Variants in PRKAG2 observed in about 807,000 individuals in gnomAD.
PRKAG2 encodes 5'-AMP-activated protein kinase subunit gamma-2.
Under a neutral mutation model 69.6 loss-of-function variants are expected in PRKAG2, and 26 were observed. The ratio of observed to expected loss-of-function variants is 0.37; its 90% CI spans 0.27 to 0.52. The LOEUF (loss-of-function observed/expected upper bound fraction) is 0.52, where lower values mean the gene tolerates loss of function less well. Ranked by LOEUF, PRKAG2 falls within the 20% of genes least tolerant of loss-of-function variation. The pLI is 0.90. For synonymous variants in PRKAG2, 293 were observed against 285.0 expected, an observed-to-expected ratio of 1.03 and a Z score of -0.28; for missense variants, 557 against 740.0, an observed-to-expected ratio of 0.75 and a Z score of 2.87.
chr7:151,872,907 T>C (rs1293301101), intron 1 of PRKAG2, among the ~76,000 whole-genome samples: 5 of 152,226 alleles, frequency 3.3e-5, no homozygotes, highest in Admixed American at 3.3e-4. Context: ...CCTCACGCCT[T>C]AGGCCTGGTC....
At chr7:151,687,366 T>C (rs367661548) in intron 3 of PRKAG2, among the ~76,000 whole-genome samples, 1 of 152,218 alleles carries the variant, frequency 6.6e-6, no homozygotes, top group East Asian at 1.9e-4. Context: ...TCTGCTGCTT[T>C]GTGAGAGAGA....
intron 3 of PRKAG2, among the ~76,000 whole-genome samples, chr7:151,733,721 G>C (rs551209497): frequency 6.7e-6 from 1 of 149,656 alleles, no homozygotes; most frequent in African/African-American, 2.5e-5. Flanking sequence ...TTTTTTTTGA[G>C]GGTCTTGCGC....
At chr7:151,739,389 C>T (rs1274865514) in intron 3 of PRKAG2, among the ~76,000 whole-genome samples, 1 of 152,208 alleles carries the variant, frequency 6.6e-6, no homozygotes, top group African/African-American at 2.4e-5. Flanking sequence ...CTACTTGGTG[C>T]TGTGCTGAAT....
chr7:151,582,130 G>A (rs1396295912), intron 6 of PRKAG2, among the ~76,000 whole-genome samples: 1 of 152,072 alleles, frequency 6.6e-6, no homozygotes, highest in African/African-American at 2.4e-5. Context: ...AGACAGTATC[G>A]GTCCAACAGA....
At chr7:151,857,783 T>C (rs1027651346) in intron 1 of PRKAG2, among the ~76,000 whole-genome samples, 1 of 152,186 alleles carries the variant, frequency 6.6e-6, no homozygotes, top group African/African-American at 2.4e-5. Flanking sequence ...AGGTCTGAAC[T>C]GAAAAGTCAT....
chr7:151,560,203 T>C (rs1804601091), intron 15 of PRKAG2: 3 of 1,215,358 alleles, frequency 2.5e-6, no homozygotes, highest in South Asian at 3.5e-5. Flanking sequence ...GGTCACTAGT[T>C]CTCTCACAAA....
At position 151,705,512 on chromosome 7, in the gene PRKAG2, C is replaced by G. The variant is rs954078201; in HGVS notation, c.467-29875G>C. 5.3e-5 allele frequency among the ~76,000 whole-genome samples: 8 copies of G among 152,072 alleles called. 1 individual carries two copies. The East Asian group carries it at 1.5e-3, about 29-fold the overall frequency. ...TATCACACACAGCTGGGCGAGGGGA[C>G]AGCCGACTGTCTGTGACAGACACTC... On this transcript the variant is annotated intron_variant, in intron 3 of 15. Coordinates refer to ENST00000287878, the MANE Select transcript of PRKAG2 (RefSeq NM_016203.4).
chr7:151,694,112 G>A (rs901981244), intron 3 of PRKAG2, among the ~76,000 whole-genome samples: 33 of 152,180 alleles, frequency 2.2e-4, no homozygotes, highest in Admixed American at 1.1e-3. Flanking sequence ...GACCTCGAGT[G>A]ATCTGCCCGC....
intron 4 of PRKAG2, among the ~76,000 whole-genome samples, chr7:151,646,857 T>C (rs1188803366): frequency 1.3e-5 from 2 of 152,230 alleles, no homozygotes; most frequent in African/African-American, 4.8e-5. Context: ...ACCTCAGTAG[T>C]GGTATCCACC....
intron 5 of PRKAG2, among the ~76,000 whole-genome samples, chr7:151,601,164 C>CA (rs1228579162): frequency 1.3e-5 from 2 of 152,150 alleles, no homozygotes; most frequent in African/African-American, 4.8e-5. Flanking sequence ...TATCCACCCT[C>CA]AAAGCTTATG....
intron 5 of PRKAG2, among the ~76,000 whole-genome samples, chr7:151,606,708 T>C (rs897310824): frequency 3.3e-5 from 5 of 151,962 alleles, no homozygotes; most frequent in African/African-American, 1.2e-4. Flanking sequence ...TAATCCCAGC[T>C]ACCTGGGAGG....
chr7:151,631,701 G>C, intron 5 of PRKAG2: 1 of 460,026 alleles, frequency 2.2e-6, no homozygotes, highest in Non-Finnish European at 4.4e-6. Context: ...TGGACTGTGG[G>C]TATGATTCGG....
intron 4 of PRKAG2, among the ~76,000 whole-genome samples, chr7:151,646,229 C>A (rs538590484): frequency 9.9e-5 from 15 of 152,260 alleles, no homozygotes; most frequent in African/African-American, 3.1e-4. Flanking sequence ...ATAAAACCTA[C>A]TGGAATCTTG....
Position 151,864,240 on chromosome 7 carries a change from G to A in PRKAG2, c.114+12267C>T, listed in dbSNP as rs115589094. ...GGCTCCCAGAAGCCCTTCCCTGACC[G>A]TAGCCACAGCAGCTGACCAGCCAGG... On this transcript the variant is annotated intron_variant, in intron 1 of 15. Coordinates refer to ENST00000287878, the MANE Select transcript of PRKAG2 (RefSeq NM_016203.4). 5.9e-3 allele frequency among the ~76,000 whole-genome samples: 893 copies of A among 152,294 alleles called. 2 individuals are homozygous for A. Among genetic ancestry groups the A allele is most frequent in the Non-Finnish European group, 9.6e-3 (653 of 68,022 alleles).
At chr7:151,656,638 C>G (rs981779943) in intron 4 of PRKAG2, among the ~76,000 whole-genome samples, 3 of 152,116 alleles carry the variant, frequency 2.0e-5, no homozygotes, top group Admixed American at 2.0e-4. Flanking sequence ...AAACATAAAC[C>G]TTTGAAGGAT....
intron 5 of PRKAG2, among the ~76,000 whole-genome samples, chr7:151,610,966 G>A (rs1818689146): frequency 6.6e-6 from 1 of 151,922 alleles, no homozygotes; most frequent in African/African-American, 2.4e-5. Context: ...TGTTGGCCAG[G>A]CTGGTTTTGA....
At chr7:151,795,820 A>G (rs12540709) in intron 1 of PRKAG2, among the ~76,000 whole-genome samples, 20,487 of 128,910 alleles carry the variant, frequency 0.16, 1,737 homozygotes, top group Non-Finnish European at 0.18. Flanking sequence ...CGACCAACGC[A>G]TGAGTCAATT....
At chr7:151,856,654 C>T (rs2151902495) in intron 1 of PRKAG2, among the ~76,000 whole-genome samples, 1 of 152,304 alleles carries the variant, frequency 6.6e-6, no homozygotes, top group Non-Finnish European at 1.5e-5. Flanking sequence ...ATGTGAAAGA[C>T]GTTAAGTCTG....
At chr7:151,731,978 C>T (rs1467119256) in intron 3 of PRKAG2, among the ~76,000 whole-genome samples, 3 of 152,070 alleles carry the variant, frequency 2.0e-5, no homozygotes, top group African/African-American at 4.8e-5. Context: ...GCTGGGACTA[C>T]AGGTGCACAC....
Sources: allele counts gnomAD v4.1 joint callset (sites outside exome capture counted in the v4.1 genomes callset), GRCh38; gene constraint gnomAD v4.1.1; transcripts MANE v1.5; gene names NCBI Gene and HGNC (gene_info 2026-07-23, HGNC 2026-07-21).